SHISA9: variants seen among roughly 807,000 people sequenced by gnomAD.
SHISA9 encodes the protein shisa family member 9.
A neutral mutation model predicts 38.0 loss-of-function variants in SHISA9; 13 were observed. The observed-to-expected ratio is 0.34, with a 90% CI of 0.22 to 0.54. SHISA9 has a LOEUF of 0.54. Among genes scored for constraint, SHISA9 ranks in the 20% least tolerant of loss-of-function variants. The probability of loss-of-function intolerance (pLI) is 0.91; values close to 1 mark genes in which losing one functional copy is unlikely to be tolerated. For missense variants in SHISA9, 538 were observed against 575.8 expected, an observed-to-expected ratio of 0.93 and a Z score of 0.67; for synonymous variants, 275 against 242.0, an observed-to-expected ratio of 1.14 and a Z score of -1.27.
the SHISA9 span, among the ~76,000 whole-genome samples, chr16:13,553,345 T>C: frequency 6.6e-6 from 1 of 152,220 alleles, no homozygotes; most frequent in East Asian, 1.9e-4. Flanking sequence ...GCAACTACTA[T>C]TGAACACTCT....
the SHISA9 span, among the ~76,000 whole-genome samples, chr16:13,288,062 T>C: frequency 6.6e-6 from 1 of 152,174 alleles, no homozygotes; most frequent in African/African-American, 2.4e-5. Context: ...TGTTCTTATG[T>C]ACCTCATGTG....
intron 2 of SHISA9, among the ~76,000 whole-genome samples, chr16:13,003,866 A>AATATT (rs200459200): frequency 1.6e-5 from 2 of 127,914 alleles, no homozygotes; most frequent in African/African-American, 6.4e-5. Context: ...TCAAAATAAT[A>AATATT]ATAATAATAA....
intron 2 of SHISA9, among the ~76,000 whole-genome samples, chr16:13,001,520 A>G (rs537157650): frequency 1.3e-5 from 2 of 152,296 alleles, no homozygotes; most frequent in East Asian, 3.9e-4. Context: ...AATGCCCCAA[A>G]CTAATCTATG....
the SHISA9 span, among the ~76,000 whole-genome samples, chr16:13,305,340 T>A: frequency 1.8e-4 from 27 of 152,352 alleles, 1 homozygote; most frequent in South Asian, 1.0e-3. Context: ...GGATTAGTGA[T>A]GCTCAATTTT....
chr16:13,557,361 G>C, the SHISA9 span, among the ~76,000 whole-genome samples: 1 of 152,124 alleles, frequency 6.6e-6, no homozygotes. Context: ...GTCTGAAAAA[G>C]GTATTTGCCT....
rs140728011 is a variant in SHISA9, at chr16:13,105,362, A to C, written c.692-98032A>C. On this transcript the variant is annotated intron_variant, in intron 2 of 4. Transcript: ENST00000558583. Reference sequence around the variant, plus strand: ...ATTACTGTCTACTGCATGCTGTCCCAAGTGGGTCCTGTCTGGACCACATTT... The same window carrying C: ...ATTACTGTCTACTGCATGCTGTCCCCAGTGGGTCCTGTCTGGACCACATTT... 3.1e-3 allele frequency among the ~76,000 whole-genome samples: 469 copies of C among 152,316 alleles called. 1 individual carries two copies. Among genetic ancestry groups the C allele is most frequent in the African/African-American group, 0.011 (451 of 41,572 alleles).
intron 2 of SHISA9, among the ~76,000 whole-genome samples, chr16:13,011,685 C>A (rs2072677785): frequency 6.6e-6 from 1 of 152,120 alleles, no homozygotes; most frequent in Admixed American, 6.6e-5. Flanking sequence ...CCATGCCTGG[C>A]TAATTTTTTG....
chr16:12,957,056 G>A (rs2071845550), intron 2 of SHISA9, among the ~76,000 whole-genome samples: 1 of 151,940 alleles, frequency 6.6e-6, no homozygotes, highest in African/African-American at 2.4e-5. Context: ...TATCATTTTG[G>A]AGAGTATTCA....
chr16:13,542,602 A>C, the SHISA9 span, among the ~76,000 whole-genome samples: 1 of 150,338 alleles, frequency 6.7e-6, no homozygotes, highest in Non-Finnish European at 1.5e-5. Flanking sequence ...GCCCCCCCCT[A>C]CTCTATGCTG....
the SHISA9 span, among the ~76,000 whole-genome samples, chr16:13,355,457 T>A: frequency 6.6e-6 from 1 of 151,732 alleles, no homozygotes; most frequent in African/African-American, 2.4e-5. Context: ...GGCTTTGGAT[T>A]GGGAAGAAGG....
At chr16:13,323,061 A>G in the SHISA9 span, among the ~76,000 whole-genome samples, 1 of 152,212 alleles carries the variant, frequency 6.6e-6, no homozygotes, top group South Asian at 2.1e-4. Context: ...GTTTAGGTTC[A>G]ACCCCCAGCT....
chr16:13,485,816 G>C, the SHISA9 span, among the ~76,000 whole-genome samples: 7 of 152,024 alleles, frequency 4.6e-5, no homozygotes, highest in Admixed American at 2.6e-4. Flanking sequence ...CCAGCCTCTG[G>C]TAACCAGCAT....
chr16:13,190,081 C>CT (rs71395104), intron 2 of SHISA9, among the ~76,000 whole-genome samples: 3,684 of 145,022 alleles, frequency 0.025, 54 homozygotes, highest in South Asian at 0.044. Context: ...ACCCTTTAGT[C>CT]TTTTTTTTTT....
intron 2 of SHISA9, among the ~76,000 whole-genome samples, chr16:12,933,268 A>G (rs2071485149): frequency 6.6e-6 from 1 of 151,982 alleles, no homozygotes; most frequent in Non-Finnish European, 1.5e-5. Flanking sequence ...TTAGTTTTCT[A>G]TAGGAATGCC....
chr16:12,905,801 G>C (rs1288396051), intron 1 of SHISA9, among the ~76,000 whole-genome samples: 1 of 151,910 alleles, frequency 6.6e-6, no homozygotes, highest in Non-Finnish European at 1.5e-5. Context: ...ACCTGGCCTG[G>C]GGTTGGCCAG....
At chr16:13,502,348 A>G in the SHISA9 span, among the ~76,000 whole-genome samples, 2 of 152,194 alleles carry the variant, frequency 1.3e-5, no homozygotes, top group Non-Finnish European at 2.9e-5. Context: ...AAGGGAGGAA[A>G]ATGTCCACGT....
chr16:13,053,704 G>C (rs942666597), intron 2 of SHISA9, among the ~76,000 whole-genome samples: 5 of 152,198 alleles, frequency 3.3e-5, no homozygotes, highest in African/African-American at 1.2e-4. Flanking sequence ...CTCAGTGACT[G>C]TGTATTTTCA....
chr16:13,193,398 C>G (rs1274113205), intron 2 of SHISA9, among the ~76,000 whole-genome samples: 1 of 152,176 alleles, frequency 6.6e-6, no homozygotes, highest in Non-Finnish European at 1.5e-5. Context: ...GTTGCTCAGG[C>G]TGGAGCACAG....
intron 2 of SHISA9, among the ~76,000 whole-genome samples, chr16:12,988,580 AGTG>A (rs2072343264): frequency 6.6e-6 from 1 of 152,162 alleles, no homozygotes; most frequent in African/African-American, 2.4e-5. Flanking sequence ...GCTGGAGTGC[AGTG>A]GCGCGATTTC....
Sources: allele counts gnomAD v4.1 joint callset (sites outside exome capture counted in the v4.1 genomes callset), GRCh38; gene constraint gnomAD v4.1.1; transcripts MANE v1.5; gene names NCBI Gene and HGNC (gene_info 2026-07-23, HGNC 2026-07-21).